The following ACAP2 variants were observed in gnomAD, a reference collection of about 807,000 sequenced individuals.
The protein encoded by ACAP2 is ArfGAP with coiled-coil, ankyrin repeat and PH domains 2, also known as arf-GAP with coiled-coil, ANK repeat and PH domain-containing protein 2.
ACAP2 carries 39 observed loss-of-function variants against 115.8 expected under a neutral mutation model. The ratio of observed to expected loss-of-function variants is 0.34; its 90% confidence interval spans 0.26 to 0.44. The LOEUF (loss-of-function observed/expected upper bound fraction) is 0.44. Ranked by LOEUF, ACAP2 falls within the 20% of genes least tolerant of loss-of-function variation. The probability of loss-of-function intolerance (pLI) is 1.00; values close to 1 mark genes in which losing one functional copy is unlikely to be tolerated. For synonymous variants in ACAP2, 289 were observed against 315.8 expected (o/e 0.92, Z 0.90); for missense variants, 662 against 927.6 (o/e 0.71, Z 3.72).
chr3:195,424,288 T>A (rs1157049250), intron 1 of ACAP2, among the ~76,000 whole-genome samples: 713 of 36,124 alleles, frequency 0.02, 10 homozygotes, highest in South Asian at 0.042. Context: ...TATATATTTT[T>A]TTTTTTTTTT....
At chr3:195,358,678 G>T (rs1732149174) in intron 4 of ACAP2, among the ~76,000 whole-genome samples, 1 of 151,604 alleles carries the variant, frequency 6.6e-6, no homozygotes, top group Non-Finnish European at 1.5e-5. Context: ...AAACAGAGAA[G>T]AAAAAAGAAT....
At chr3:195,299,654 C>T (rs1243640087) in intron 15 of ACAP2, among the ~76,000 whole-genome samples, 7 of 151,912 alleles carry the variant, frequency 4.6e-5, no homozygotes, top group African/African-American at 1.2e-4. Flanking sequence ...CTGGCTAAGA[C>T]GGTGAAACTC....
chr3:195,342,873 G>A (rs112488691), intron 5 of ACAP2, among the ~76,000 whole-genome samples: 3,258 of 152,020 alleles, frequency 0.021, 113 homozygotes, highest in East Asian at 0.1. Context: ...GCATGTGCCT[G>A]TAGTCCCAGT....
At chr3:195,411,190 A>G (rs1713231934) in intron 1 of ACAP2, among the ~76,000 whole-genome samples, 1 of 152,228 alleles carries the variant, frequency 6.6e-6, no homozygotes, top group South Asian at 2.1e-4. Flanking sequence ...TGGGAATGTA[A>G]AATGGTACCA....
At chr3:195,396,793 GAAA>G (rs62983860) in intron 1 of ACAP2, among the ~76,000 whole-genome samples, 16 of 91,802 alleles carry the variant, frequency 1.7e-4, no homozygotes, top group Non-Finnish European at 2.7e-4. Flanking sequence ...TCTCAAAAAA[GAAA>G]AAAAAAAAAA....
At chr3:195,396,174 C>A (rs1711756997) in intron 1 of ACAP2, among the ~76,000 whole-genome samples, 1 of 151,576 alleles carries the variant, frequency 6.6e-6, no homozygotes, top group Admixed American at 6.6e-5. Flanking sequence ...TCACTTGAAC[C>A]CAGGAGGTGG....
intron 1 of ACAP2, among the ~76,000 whole-genome samples, chr3:195,410,347 A>G (rs1411955723): frequency 6.6e-6 from 1 of 152,228 alleles, no homozygotes; most frequent in Non-Finnish European, 1.5e-5. Context: ...AAGCTTTATG[A>G]CACTGAATTT....
At chr3:195,282,305 A>G (rs1229177259) in intron 22 of ACAP2, 1 of 152,242 alleles carries the variant, frequency 6.6e-6, no homozygotes, top group African/African-American at 2.4e-5. Flanking sequence ...TGTTGGTGCT[A>G]TAATAATCAT....
At chr3:195,307,184 A>C in intron 12 of ACAP2, 39 bp downstream of exon 12, 1 of 1,530,178 alleles carries the variant, frequency 6.5e-7, no homozygotes, top group Admixed American at 1.7e-5. Context: ...AAACTATAAA[A>C]ACATAAAAGC....
At chr3:195,324,500 TCCGAGCACATTGGGAGG>T (rs375953094) in intron 9 of ACAP2, among the ~76,000 whole-genome samples, 1 of 152,226 alleles carries the variant, frequency 6.6e-6, no homozygotes, top group East Asian at 1.9e-4. Context: ...ACACCTGTAA[TCCGAGCACATTGGGAGG>T]CCGAGGTGGA....
intron 2 of ACAP2, among the ~76,000 whole-genome samples, chr3:195,383,617 C>A (rs1577391710): frequency 6.8e-6 from 1 of 147,404 alleles, no homozygotes; most frequent in Non-Finnish European, 1.5e-5. Flanking sequence ...GAGAAGGATG[C>A]AAAGCTCAAA....
At chr3:195,373,748 A>G (rs1443651451) in intron 4 of ACAP2, among the ~76,000 whole-genome samples, 7 of 151,164 alleles carry the variant, frequency 4.6e-5, no homozygotes, top group Non-Finnish European at 1.0e-4. Flanking sequence ...TGGTCAACAT[A>G]GTGAAAGCCC....
intron 20 of ACAP2, among the ~76,000 whole-genome samples, chr3:195,290,537 G>A (rs192231681): frequency 3.9e-5 from 6 of 152,152 alleles, no homozygotes; most frequent in East Asian, 1.9e-4. Context: ...ATGGCCGTGC[G>A]CAGTGGCTCA....
At chr3:195,415,224 T>C (rs977033418) in intron 1 of ACAP2, among the ~76,000 whole-genome samples, 2 of 151,966 alleles carry the variant, frequency 1.3e-5, no homozygotes, top group Non-Finnish European at 2.9e-5. Context: ...GAGAATATAA[T>C]AATTCTCTGT....
At chr3:195,308,303 G>A (rs774651076) in intron 11 of ACAP2, among the ~76,000 whole-genome samples, 1 of 147,300 alleles carries the variant, frequency 6.8e-6, no homozygotes, top group Non-Finnish European at 1.5e-5. Context: ...TGTTATTTCT[G>A]TCATGGACTA....
intron 1 of ACAP2, among the ~76,000 whole-genome samples, chr3:195,438,735 TA>T (rs1019103569): frequency 2.0e-5 from 3 of 151,142 alleles, no homozygotes; most frequent in African/African-American, 7.3e-5. Context: ...ACACCCTTTT[TA>T]AAAAAAAAGT....
At chr3:195,406,903 G>A (rs1712819104) in intron 1 of ACAP2, among the ~76,000 whole-genome samples, 1 of 152,156 alleles carries the variant, frequency 6.6e-6, no homozygotes. Context: ...AGAAAGAAAT[G>A]TAAACTACTA....
At chr3:195,435,357 T>G (rs185810896) in intron 1 of ACAP2, among the ~76,000 whole-genome samples, 1,952 of 152,102 alleles carry the variant, frequency 0.013, 32 homozygotes, top group African/African-American at 0.043. Context: ...GTATTTTTAG[T>G]AGAGACGGGG....
At chr3:195,412,844 A>T in intron 1 of ACAP2, 1 of 448,940 alleles carries the variant, frequency 2.2e-6, no homozygotes, top group Non-Finnish European at 4.5e-6. Flanking sequence ...TTGAGCACTT[A>T]CTGGATGTCA....
Sources: gnomAD v4.1 joint callset for allele counts (sites outside exome capture counted in the v4.1 genomes callset) on GRCh38, gnomAD v4.1.1 for gene constraint, MANE v1.5 for transcripts, NCBI Gene and HGNC (gene_info 2026-07-23, HGNC 2026-07-21) for gene names.